The following SIK3 variants were observed in gnomAD, a reference collection of about 807,000 sequenced individuals.
SIK3 encodes the protein SIK family kinase 3.
SIK3 carries 28 observed loss-of-function variants against 144.2 expected under a neutral mutation model. The ratio of observed to expected loss-of-function variants is 0.19; its 90% CI spans 0.14 to 0.27. The LOEUF (loss-of-function observed/expected upper bound fraction) is 0.27, where lower values mean the gene tolerates loss of function less well. SIK3 is among the 10% of genes least tolerant of loss of function. SIK3 has a pLI of 1.00. For synonymous variants in SIK3, 686 were observed against 676.3 expected (o/e 1.01, Z -0.22); for missense variants, 1,319 against 1,776.0 (o/e 0.74, Z 4.62).
chr11:117,027,262 G>C lies in SIK3; in HGVS notation c.274-70198C>G, dbSNP rs373765002. Among the ~76,000 whole-genome samples the C allele has an allele frequency of 4.7e-4, 72 of 152,228 alleles. 3 individuals carry two copies. Among genetic ancestry groups the C allele is most frequent in the Admixed American group, 1.4e-3 (21 of 15,280 alleles). On this transcript the variant is annotated intron_variant, in intron 1 of 24. Coordinates refer to ENST00000445177, the MANE Select transcript of SIK3 (RefSeq NM_001366686.3). ...CTCTGTAGAGAAAACATGGAAAACA[G>C]GGTTGACTGGTAGTACACAAGTTTG...
At chr11:116,875,061 G>T in intron 11 of SIK3, 97 bp downstream of exon 11, 1 of 900,006 alleles carries the variant, frequency 1.1e-6, no homozygotes, top group Non-Finnish European at 1.8e-6. Flanking sequence ...CTCCTCTGGG[G>T]ATACAATGTA....
chr11:117,034,630 A>G (rs1952413270), intron 1 of SIK3, among the ~76,000 whole-genome samples: 1 of 152,216 alleles, frequency 6.6e-6, no homozygotes, highest in African/African-American at 2.4e-5. Flanking sequence ...GTAATGTATA[A>G]GTAATCATGC....
chr11:116,943,199 CA>C (rs1948408561), intron 3 of SIK3, among the ~76,000 whole-genome samples: 1 of 151,294 alleles, frequency 6.6e-6, no homozygotes. Context: ...AAAATTACTT[CA>C]AAAAGTGCTA....
At chr11:117,013,498 T>C (rs1591535133) in intron 1 of SIK3, among the ~76,000 whole-genome samples, 2 of 152,106 alleles carry the variant, frequency 1.3e-5, no homozygotes, top group African/African-American at 4.8e-5. Context: ...TAAAAAAACT[T>C]TGTATACCAA....
intron 1 of SIK3, among the ~76,000 whole-genome samples, chr11:117,021,945 A>C (rs867111650): frequency 5.8e-4 from 65 of 112,930 alleles, no homozygotes; most frequent in South Asian, 1.3e-3. Flanking sequence ...AAAAAAAAAA[A>C]AAAAAAAAAA....
chr11:117,027,827 G>A (rs1258039367), intron 1 of SIK3, among the ~76,000 whole-genome samples: 1 of 152,090 alleles, frequency 6.6e-6, no homozygotes, highest in Non-Finnish European at 1.5e-5. Flanking sequence ...CTGAGCAAGT[G>A]ATGAGACAAT....
intron 4 of SIK3, among the ~76,000 whole-genome samples, chr11:116,898,089 G>A (rs914444288): frequency 1.3e-5 from 2 of 151,786 alleles, no homozygotes; most frequent in Admixed American, 6.6e-5. Context: ...TCGTCATCTA[G>A]CATTAGGTAT....
chr11:116,865,522 T>TA (rs1331353541), intron 15 of SIK3, among the ~76,000 whole-genome samples: 1 of 152,208 alleles, frequency 6.6e-6, no homozygotes, highest in Non-Finnish European at 1.5e-5. Context: ...ATTAGGCTGA[T>TA]ACTCCCACAC....
intron 1 of SIK3, chr11:117,036,118 C>CT: frequency 1.8e-6 from 1 of 563,540 alleles, no homozygotes; most frequent in East Asian, 3.0e-5. Flanking sequence ...CAAGGTCTCA[C>CT]TTTGTCACCT....
intron 1 of SIK3, among the ~76,000 whole-genome samples, chr11:116,960,149 C>T (rs1179368836): frequency 5.9e-5 from 9 of 152,080 alleles, no homozygotes; most frequent in African/African-American, 1.9e-4. Context: ...TTAGAAGGCA[C>T]GTACAAAGAA....
intron 1 of SIK3, among the ~76,000 whole-genome samples, chr11:116,965,985 T>C (rs1237099871): frequency 6.7e-6 from 1 of 148,490 alleles, no homozygotes; most frequent in Non-Finnish European, 1.5e-5. Flanking sequence ...AAAGAGAATG[T>C]AGGACAAACA....
chr11:117,057,507 G>A (rs11216252), intron 1 of SIK3, among the ~76,000 whole-genome samples: 10,942 of 152,108 alleles, frequency 0.072, 468 homozygotes, highest in Middle Eastern at 0.11. Context: ...CATTCAATAG[G>A]AACAAGTACT....
chr11:116,946,929 C>T (rs188607424), intron 3 of SIK3, among the ~76,000 whole-genome samples: 1 of 151,750 alleles, frequency 6.6e-6, no homozygotes, highest in East Asian at 1.9e-4. Flanking sequence ...TCCTGGCTAA[C>T]ATGGTGAAAA....
chr11:116,895,166 C>T (rs1403016140), intron 6 of SIK3, among the ~76,000 whole-genome samples: 2 of 152,126 alleles, frequency 1.3e-5, no homozygotes, highest in Non-Finnish European at 2.9e-5. Flanking sequence ...CATCTCTCAC[C>T]GCTCCTTCCT....
At chr11:116,892,049 C>T (rs1945150108) in intron 6 of SIK3, among the ~76,000 whole-genome samples, 1 of 152,158 alleles carries the variant, frequency 6.6e-6, no homozygotes, top group Non-Finnish European at 1.5e-5. Flanking sequence ...CTGAATATGT[C>T]TCCATTGATC....
intron 1 of SIK3, among the ~76,000 whole-genome samples, chr11:117,044,657 T>C: frequency 6.6e-6 from 1 of 151,504 alleles, no homozygotes; most frequent in Non-Finnish European, 1.5e-5. Context: ...CAGTCCAGGT[T>C]TTCTACCTAA....
At chr11:117,029,641 G>A (rs549680566) in intron 1 of SIK3, among the ~76,000 whole-genome samples, 30 of 152,144 alleles carry the variant, frequency 2.0e-4, no homozygotes, top group African/African-American at 7.2e-4. Flanking sequence ...TTTGGAAGCA[G>A]AATCTTAAAA....
intron 1 of SIK3, among the ~76,000 whole-genome samples, chr11:116,982,577 T>C (rs1397196582): frequency 1.3e-5 from 2 of 151,894 alleles, no homozygotes; most frequent in Non-Finnish European, 2.9e-5. Context: ...CGTGCGCCAC[T>C]ATGCCCGGCC....
At chr11:117,019,400 C>T (rs1266622605) in intron 1 of SIK3, among the ~76,000 whole-genome samples, 1 of 152,140 alleles carries the variant, frequency 6.6e-6, no homozygotes, top group Non-Finnish European at 1.5e-5. Context: ...GGAATGGACA[C>T]CAATACAAGT....
Sources: gnomAD v4.1 joint callset for allele counts (sites outside exome capture counted in the v4.1 genomes callset) on GRCh38, gnomAD v4.1.1 for gene constraint, MANE v1.5 for transcripts, NCBI Gene and HGNC (gene_info 2026-07-23, HGNC 2026-07-21) for gene names.